Variants in RCAN2 observed in about 807,000 individuals in gnomAD.
RCAN2 encodes calcipressin-2.
RCAN2 carries 9 observed loss-of-function variants against 23.6 expected under a neutral mutation model. The observed-to-expected ratio is 0.38, with a 90% CI of 0.23 to 0.67. The LOEUF (loss-of-function observed/expected upper bound fraction) is 0.67. RCAN2 is among the 30% of genes least tolerant of loss of function. RCAN2 has a pLI of 0.51. For missense variants in RCAN2, 273 were observed against 302.3 expected (o/e 0.90, Z 0.72); for synonymous variants, 109 against 115.7 (o/e 0.94, Z 0.37).
chr6:46,465,083 G>A (rs1229242706), intron 1 of RCAN2, among the ~76,000 whole-genome samples: 1 of 152,096 alleles, frequency 6.6e-6, no homozygotes, highest in African/African-American at 2.4e-5. Flanking sequence ...GGTCAGATGG[G>A]ACAAGCAAAT....
chr6:46,432,632 C>A (rs1413100820), intron 2 of RCAN2, among the ~76,000 whole-genome samples: 2 of 152,060 alleles, frequency 1.3e-5, no homozygotes, highest in African/African-American at 4.8e-5. Flanking sequence ...CACCAGTTAC[C>A]AGCAGACTTG....
intron 2 of RCAN2, among the ~76,000 whole-genome samples, chr6:46,277,766 A>G (rs993136074): frequency 3.9e-5 from 6 of 151,942 alleles, no homozygotes; most frequent in Non-Finnish European, 8.8e-5. Flanking sequence ...AAAGGGTTTT[A>G]CTCAATTGAA....
At chr6:46,224,259 T>G (rs1409039902) in intron 4 of RCAN2, among the ~76,000 whole-genome samples, 1 of 152,210 alleles carries the variant, frequency 6.6e-6, no homozygotes, top group Non-Finnish European at 1.5e-5. Context: ...ACTTCATTGT[T>G]GACATACTAA....
rs183301344 is a variant in RCAN2 at position 46,237,765 on chromosome 6, G to T, written c.571+8983C>A. On this transcript the variant is annotated intron_variant, in intron 4 of 4. Coordinates refer to ENST00000371374, the MANE Select transcript of RCAN2 (RefSeq NM_001251974.2). ...GAATTAGGTAACAAATATGCTATGC[G>T]CTTCTACTTTGCTCTTGCAGAATGC... 2.6e-5 allele frequency among the ~76,000 whole-genome samples: 4 copies of T among 152,290 alleles called. No individual in the cohort carries two copies. The East Asian group carries it at 5.8e-4, about 22-fold the overall frequency.
intron 4 of RCAN2, among the ~76,000 whole-genome samples, chr6:46,245,588 T>G (rs965200372): frequency 1.2e-4 from 18 of 152,158 alleles, no homozygotes; most frequent in African/African-American, 4.1e-4. Flanking sequence ...GGTGGGCGAC[T>G]CTGGGCCAAA....
intron 2 of RCAN2, among the ~76,000 whole-genome samples, chr6:46,292,664 T>C (rs1425150446): frequency 2.6e-5 from 4 of 152,194 alleles, no homozygotes; most frequent in African/African-American, 4.8e-5. Flanking sequence ...AGTAAACTTT[T>C]AGATTTATTG....
At chr6:46,462,121 GAAACCTCCAGCTTC>G (rs151330718) in intron 1 of RCAN2, among the ~76,000 whole-genome samples, 57,044 of 151,986 alleles carry the variant, frequency 0.38, 13,003 homozygotes, top group East Asian at 0.59. Context: ...TCCAGTGTAT[GAAACCTCCAGCTTC>G]AAACCTCCAG....
chr6:46,252,582 A>C (rs1766770986), intron 2 of RCAN2, among the ~76,000 whole-genome samples: 1 of 152,132 alleles, frequency 6.6e-6, no homozygotes, highest in African/African-American at 2.4e-5. Flanking sequence ...GAAACTTGAA[A>C]ATATTTATAT....
chr6:46,286,181 G>A (rs974214013), intron 2 of RCAN2, among the ~76,000 whole-genome samples: 1 of 152,190 alleles, frequency 6.6e-6, no homozygotes, highest in Non-Finnish European at 1.5e-5. Context: ...CAGTCAGCGA[G>A]TTTGTGCCAA....
intron 2 of RCAN2, among the ~76,000 whole-genome samples, chr6:46,442,575 G>T (rs1227546875): frequency 1.3e-5 from 2 of 152,122 alleles, no homozygotes; most frequent in Admixed American, 1.3e-4. Flanking sequence ...TATGAAGTGG[G>T]TTCCAAGTAC....
intron 2 of RCAN2, among the ~76,000 whole-genome samples, chr6:46,372,392 T>G (rs1039596515): frequency 1.3e-5 from 2 of 152,156 alleles, no homozygotes; most frequent in African/African-American, 4.8e-5. Flanking sequence ...AGCTTAGAGG[T>G]GGAAGCATGT....
intron 2 of RCAN2, among the ~76,000 whole-genome samples, chr6:46,451,955 G>A (rs1027036331): frequency 3.3e-5 from 5 of 152,110 alleles, no homozygotes; most frequent in African/African-American, 1.2e-4. Flanking sequence ...TGTGTGTAAG[G>A]AAATGAATGT....
At chr6:46,364,555 G>A (rs557533984) in intron 2 of RCAN2, among the ~76,000 whole-genome samples, 1 of 152,168 alleles carries the variant, frequency 6.6e-6, no homozygotes, top group Non-Finnish European at 1.5e-5. Context: ...CGCGGAGACT[G>A]AGCTGCCTGC....
chr6:46,454,963 G>T (rs973580599), intron 2 of RCAN2, among the ~76,000 whole-genome samples: 5 of 152,210 alleles, frequency 3.3e-5, no homozygotes, highest in Admixed American at 6.5e-5. Flanking sequence ...CATTGTTTCA[G>T]TCTACTGGGA....
Position 46,393,461 on chromosome 6 carries a change from T to C in RCAN2, c.225+63291A>G, listed in dbSNP as rs79096138. 8.2e-3 allele frequency among the ~76,000 whole-genome samples: 1,246 copies of C among 152,290 alleles called. 10 individuals carry two copies. Among genetic ancestry groups the C allele is most frequent in the Non-Finnish European group, 0.011 (735 of 68,010 alleles). On this transcript the variant is annotated intron_variant, in intron 2 of 4. Coordinates refer to ENST00000371374, the MANE Select transcript of RCAN2 (RefSeq NM_001251974.2). The stretch of plus-strand genomic sequence containing the variant: ...AAAAATGATAGCCACCCCCACCCTT[T>C]GTCAGATCTTCTGTCCCAGGGGAAA...
At chr6:46,365,403 G>A (rs558540302) in intron 2 of RCAN2, among the ~76,000 whole-genome samples, 15 of 152,008 alleles carry the variant, frequency 9.9e-5, no homozygotes, top group African/African-American at 3.1e-4. Flanking sequence ...TTGAATCTGG[G>A]AGGTGGAGTT....
intron 2 of RCAN2, among the ~76,000 whole-genome samples, chr6:46,256,378 A>AAACT (rs1243791890): frequency 1.5e-5 from 2 of 134,472 alleles, no homozygotes; most frequent in Non-Finnish European, 3.1e-5. Context: ...TCAAAAAAGA[A>AAACT]AAATAAATAA....
intron 4 of RCAN2, among the ~76,000 whole-genome samples, chr6:46,227,453 C>T (rs948901640): frequency 6.6e-6 from 1 of 152,176 alleles, no homozygotes; most frequent in African/African-American, 2.4e-5. Context: ...ATTATTGCCT[C>T]AATTTCAGAG....
chr6:46,248,872 T>C lies in RCAN2; in HGVS notation c.250A>G (p.Thr84Ala). The change falls in exon 3 of 5, where the codon ACT (threonine) becomes GCT (alanine). Residue 84 changes from threonine (T) to alanine (A), a missense_variant. Transcript: ENST00000371374. The stretch of plus-strand genomic sequence containing the variant: ...TGGAACGTCACACAGTCATCATAAG[T>C]CCGAAACAGTCCCTCAAATTTTTCC... ...SKEKFEGLFRTYDDCVTFQLF... is the reference protein window; with the variant it reads ...SKEKFEGLFRAYDDCVTFQLF... The C allele has an allele frequency of 1.9e-6, 3 of 1,603,654 alleles. No individual in the cohort carries two copies. The highest frequency in any genetic ancestry group is 2.5e-6 in the Non-Finnish European group (3 of 1,176,590).
Sources: gnomAD v4.1 joint callset for allele counts (sites outside exome capture counted in the v4.1 genomes callset) on GRCh38, gnomAD v4.1.1 for gene constraint, MANE v1.5 for transcripts, NCBI Gene and HGNC (gene_info 2026-07-23, HGNC 2026-07-21) for gene names.